EPHA5: variants seen among roughly 807,000 people sequenced by gnomAD.
EPHA5 encodes the protein EPH receptor A5.
A neutral mutation model predicts 105.0 loss-of-function variants in EPHA5; 60 were observed. The ratio of observed to expected loss-of-function variants is 0.57; its 90% CI spans 0.46 to 0.71. EPHA5 has a LOEUF of 0.71. EPHA5 is among the 30% of genes least tolerant of loss of function. The pLI is 0.00. For synonymous variants in EPHA5, 513 were observed against 449.1 expected, an observed-to-expected ratio of 1.14 and a Z score of -1.80; for missense variants, 1,218 against 1,274.7, an observed-to-expected ratio of 0.96 and a Z score of 0.68.
chr4:65,534,181 T>G (rs1466210082), intron 3 of EPHA5, among the ~76,000 whole-genome samples: 1 of 152,158 alleles, frequency 6.6e-6, no homozygotes, highest in Non-Finnish European at 1.5e-5. Context: ...TTATGTAACA[T>G]TCTATGAAAG....
intron 8 of EPHA5, among the ~76,000 whole-genome samples, chr4:65,402,083 G>A (rs535853389): frequency 6.6e-6 from 1 of 152,214 alleles, no homozygotes; most frequent in Admixed American, 6.5e-5. Context: ...TCTCATGATA[G>A]TAAGATTGTT....
intron 4 of EPHA5, among the ~76,000 whole-genome samples, chr4:65,491,222 A>G (rs1731370665): frequency 6.6e-6 from 1 of 151,854 alleles, no homozygotes; most frequent in Non-Finnish European, 1.5e-5. Context: ...AATAGATTGC[A>G]TATCTAGTTG....
At position 65,601,616 on chromosome 4, in the gene EPHA5, T is replaced by A. The variant is rs779040154; in HGVS notation, c.910+25A>T. 26 of 1,603,048 alleles carry A rather than the reference T, an allele frequency of 1.6e-5. 1 individual carries two copies. In the East Asian group the frequency reaches 5.4e-4, roughly 33 times the overall value. On this transcript the variant is annotated intron_variant, in intron 3 of 16. Coordinates refer to ENST00000613740, the MANE Select transcript of EPHA5 (RefSeq NM_001281766.3). ...TGATCCAACTGAAGCAGACAGCCCC[T>A]GCAGATCTGGAGGCAAACTCTTACC...
At chr4:65,608,921 A>C (rs1280338656) in intron 2 of EPHA5, among the ~76,000 whole-genome samples, 1 of 152,178 alleles carries the variant, frequency 6.6e-6, no homozygotes, top group African/African-American at 2.4e-5. Flanking sequence ...ATAAAATATA[A>C]GGCCACTCGA....
chr4:65,449,263 CAAATA>C (rs1224420473), intron 5 of EPHA5, among the ~76,000 whole-genome samples: 5 of 151,954 alleles, frequency 3.3e-5, no homozygotes, highest in Admixed American at 6.6e-5. Flanking sequence ...CAGGAAAATG[CAAATA>C]AAATAAAATG....
intron 5 of EPHA5, among the ~76,000 whole-genome samples, chr4:65,481,817 G>T (rs147135778): frequency 6.0e-4 from 91 of 152,290 alleles, no homozygotes; most frequent in African/African-American, 2.1e-3. Flanking sequence ...AGAGATTCTA[G>T]ATTCAATGTG....
chr4:65,386,426 A>G (rs1178676917), intron 8 of EPHA5, among the ~76,000 whole-genome samples: 2 of 152,000 alleles, frequency 1.3e-5, no homozygotes, highest in African/African-American at 4.8e-5. Context: ...GCCATTTGTC[A>G]ATATGTATAA....
At chr4:65,344,638 T>C (rs1722043296) in intron 14 of EPHA5, among the ~76,000 whole-genome samples, 1 of 152,116 alleles carries the variant, frequency 6.6e-6, no homozygotes, top group African/African-American at 2.4e-5. Context: ...GCTGCCAGGA[T>C]GGATTAAAAT....
intron 5 of EPHA5, among the ~76,000 whole-genome samples, chr4:65,434,403 TCTC>T (rs900756647): frequency 1.3e-5 from 2 of 152,134 alleles, no homozygotes; most frequent in African/African-American, 4.8e-5. Flanking sequence ...TTTATAGTCT[TCTC>T]ATGTTCACAT....
intron 3 of EPHA5, among the ~76,000 whole-genome samples, 170 bp downstream of exon 3, chr4:65,601,471 C>T (rs568628027): frequency 7.2e-5 from 11 of 152,072 alleles, no homozygotes; most frequent in Non-Finnish European, 1.2e-4. Flanking sequence ...AAATCTTTCA[C>T]GGTTGCCAGA....
chr4:65,584,126 A>C (rs68169585), intron 3 of EPHA5, among the ~76,000 whole-genome samples: 30,605 of 151,532 alleles, frequency 0.2, 3,249 homozygotes, highest in East Asian at 0.27. Context: ...CATATACCTG[A>C]GTTATTTTTT....
Position 65,630,087 on chromosome 4 carries a change from A to T in EPHA5, c.246+13276T>A, listed in dbSNP as rs879789790. ...CACACACTCTCTCTCTCTCTCACAC[A>T]CACACACACACACACACACACCAGG... On this transcript the variant is annotated intron_variant, in intron 2 of 16. Coordinates refer to ENST00000613740, the MANE Select transcript of EPHA5 (RefSeq NM_001281766.3). 3.9e-3 allele frequency among the ~76,000 whole-genome samples: 581 copies of T among 149,948 alleles called. 2 individuals are homozygous for T. Among genetic ancestry groups the T allele is most frequent in the Admixed American group, 5.6e-3 (84 of 15,102 alleles).
At chr4:65,606,177 T>C (rs535229784) in intron 2 of EPHA5, among the ~76,000 whole-genome samples, 1 of 152,158 alleles carries the variant, frequency 6.6e-6, no homozygotes, top group African/African-American at 2.4e-5. Flanking sequence ...TTTTTTTTCT[T>C]TTGCTATATA....
At chr4:65,459,170 C>G (rs1171872150) in intron 5 of EPHA5, among the ~76,000 whole-genome samples, 1 of 151,988 alleles carries the variant, frequency 6.6e-6, no homozygotes, top group African/African-American at 2.4e-5. Context: ...GGACCATACT[C>G]AATACTTAGT....
At chr4:65,465,475 G>GA (rs768690931) in intron 5 of EPHA5, among the ~76,000 whole-genome samples, 17 of 73,572 alleles carry the variant, frequency 2.3e-4, no homozygotes, top group African/African-American at 6.9e-4. Flanking sequence ...GAAAAAGAAA[G>GA]AAAGAAAGAA....
At position 65,353,084 on chromosome 4, in the gene EPHA5, C is replaced by A; in HGVS notation, c.2193G>T (p.Val731=). 6.4e-7 allele frequency: 1 copy of A among 1,562,066 alleles called. No homozygotes were observed. The highest frequency in any genetic ancestry group is 8.6e-7 in the Non-Finnish European group (1 of 1,156,366). The change falls in exon 12 of 17, where the codon GTG becomes GTT. Residue 731 remains valine, a synonymous_variant. Transcript: ENST00000613740. ...AAGAGCCATTCTCCATATACTCTGT[C>A]ACGATCATCACTGGTTTACCTGAAA... is the stretch of plus-strand genomic sequence containing the variant. ...VVTKSKPVMI[V]TEYMENGSLD...
intron 13 of EPHA5, among the ~76,000 whole-genome samples, chr4:65,348,889 C>T (rs1399966283): frequency 1.4e-5 from 2 of 139,050 alleles, no homozygotes; most frequent in African/African-American, 5.4e-5. Context: ...GATTTCCACT[C>T]ACTGTAACCC....
chr4:65,604,598 T>C lies in EPHA5; in HGVS notation c.247-2294A>G, dbSNP rs139892720. 4.9e-3 allele frequency among the ~76,000 whole-genome samples: 746 copies of C among 152,238 alleles called. 4 individuals carry two copies. Among genetic ancestry groups the C allele is most frequent in the African/African-American group, 0.017 (707 of 41,552 alleles). Reference sequence around the variant, plus strand: ...ATATCTGCTGTCATTGAGACACATATACTAAGAAATTGACAGAAAGATTTT... The same window carrying C: ...ATATCTGCTGTCATTGAGACACATACACTAAGAAATTGACAGAAAGATTTT... On this transcript the variant is annotated intron_variant, in intron 2 of 16. Transcript: ENST00000613740.
chr4:65,500,305 T>C (rs142893012), intron 3 of EPHA5, among the ~76,000 whole-genome samples: 250 of 151,404 alleles, frequency 1.7e-3, no homozygotes, highest in African/African-American at 5.5e-3. Flanking sequence ...TATTGACATG[T>C]TTCATGAGAC....
Sources: allele counts gnomAD v4.1 joint callset (sites outside exome capture counted in the v4.1 genomes callset), GRCh38; gene constraint gnomAD v4.1.1; transcripts MANE v1.5; gene names NCBI Gene and HGNC (gene_info 2026-07-23, HGNC 2026-07-21).